Variants in LATS2 observed in about 807,000 individuals in gnomAD.
LATS2 encodes the protein large tumor suppressor kinase 2.
In LATS2, 24 loss-of-function variants were observed where a neutral mutation model predicts 76.0. That is an observed-to-expected ratio of 0.32 (90% CI 0.23 to 0.44). LATS2 has a LOEUF of 0.44. Ranked by LOEUF, LATS2 falls within the 20% of genes least tolerant of loss-of-function variation. LATS2 has a pLI of 1.00. For synonymous variants in LATS2, 692 were observed against 635.4 expected, an observed-to-expected ratio of 1.09 and a Z score of -1.34; for missense variants, 1,286 against 1,481.2, an observed-to-expected ratio of 0.87 and a Z score of 2.16.
chr13:21,042,638 G>T (rs1022389690), intron 2 of LATS2, among the ~76,000 whole-genome samples: 2 of 151,976 alleles, frequency 1.3e-5, no homozygotes, highest in African/African-American at 2.4e-5. Flanking sequence ...AGTGAGCATT[G>T]ACCTCACCAC....
chr13:21,007,700 G>GTGTGTA (rs1418724711), intron 2 of LATS2, among the ~76,000 whole-genome samples: 251 of 1,698 alleles, frequency 0.15, 49 homozygotes, highest in Non-Finnish European at 0.17. Flanking sequence ...TATATATATA[G>GTGTGTA]TATGTATATA....
rs562585297 is a variant in LATS2, at chr13:21,016,013, A to G, written c.343-24609T>C. On this transcript the variant is annotated intron_variant, in intron 2 of 7. Transcript: ENST00000382592. The stretch of plus-strand genomic sequence containing the variant: ...CACGCTTGGCCTATTTTTTTGAGAC[A>G]GACTCTCACTCTGTCACTCAGGCTG... Among the ~76,000 whole-genome samples, 235 of 129,510 alleles carry G rather than the reference A, an allele frequency of 1.8e-3. 1 individual carries two copies. The highest frequency in any genetic ancestry group is 6.2e-3 in the African/African-American group (206 of 33,480). 85.0% of individuals were successfully genotyped at this position (129,510 alleles called of 152,430 possible).
chr13:21,037,395 T>G (rs774651148), intron 2 of LATS2, among the ~76,000 whole-genome samples: 1 of 152,176 alleles, frequency 6.6e-6, no homozygotes, highest in Non-Finnish European at 1.5e-5. Flanking sequence ...ACAGCAAGAC[T>G]CCATCTCAAA....
At chr13:21,052,511 C>T (rs1233509736) in intron 1 of LATS2, among the ~76,000 whole-genome samples, 2 of 152,058 alleles carry the variant, frequency 1.3e-5, no homozygotes, top group Admixed American at 6.6e-5. Flanking sequence ...CCACCACACT[C>T]GGTTAATTTT....
At position 21,046,189 on chromosome 13, in the gene LATS2, C is replaced by A. The variant is rs1049216616; in HGVS notation, c.-163G>T. The A allele has an allele frequency of 1.9e-6, 1 of 537,946 alleles. No individual in the cohort carries two copies. Among genetic ancestry groups the A allele is most frequent in the South Asian group, 3.6e-5 (1 of 27,988 alleles). The allele number at this position is 537,946 out of a possible 1,614,324, so 33.3% of individuals were successfully genotyped here. On this transcript the variant is annotated 5_prime_UTR_variant, in exon 2 of 8. Coordinates refer to ENST00000382592, the MANE Select transcript of LATS2 (RefSeq NM_014572.3). ...CCATTTTTGTAGTTCCTATAGAGAACCTAAAATTTTCCAAAGTCTTCATTT... is the reference window on the plus strand; with the variant it reads ...CCATTTTTGTAGTTCCTATAGAGAAACTAAAATTTTCCAAAGTCTTCATTT...
chr13:21,035,793 C>A, intron 2 of LATS2, among the ~76,000 whole-genome samples: 1 of 152,174 alleles, frequency 6.6e-6, no homozygotes. Flanking sequence ...GGGACCAACA[C>A]CACAGCACGC....
At position 20,989,148 on chromosome 13, in the gene LATS2, T is replaced by C; in HGVS notation, c.632A>G (p.Tyr211Cys). The C allele has an allele frequency of 6.2e-7, 1 of 1,612,094 alleles. No individual in the cohort carries two copies. The highest frequency in any genetic ancestry group is 1.1e-5 in the South Asian group (1 of 91,026). The change falls in exon 4 of 8, where the codon TAC becomes TGC. Residue 211 changes from tyrosine (Y) to cysteine (C), a missense_variant. By Grantham distance (194) the Tyr-to-Cys change is radical. Around this residue, in one of 5 missense-constraint regions of LATS2, gnomAD observed 710 missense variants for 660.9 expected, o/e 1.07. Transcript: ENST00000382592. ...PTALEEMPRP[Y>C]VDYLFPGVGP... ...GACTCCGGGGAAAAGGTAGTCCACG[T>C]ACGGCCGCGGCATCTCCTCCAGCGC...
chr13:21,025,687 TCA>T (rs1445843413), intron 2 of LATS2, among the ~76,000 whole-genome samples: 1 of 152,208 alleles, frequency 6.6e-6, no homozygotes, highest in Middle Eastern at 3.2e-3. Context: ...CTGACACTGC[TCA>T]CAACATTATT....
chr13:20,986,687 G>A (rs755062247), intron 4 of LATS2, among the ~76,000 whole-genome samples: 2 of 152,060 alleles, frequency 1.3e-5, no homozygotes, highest in Non-Finnish European at 2.9e-5. Context: ...TGGATAGAAG[G>A]AACAAACTCT....
intron 5 of LATS2, 77 bp from the exon 6 acceptor site, chr13:20,981,725 G>C: frequency 3.2e-6 from 4 of 1,246,488 alleles, no homozygotes; most frequent in Non-Finnish European, 4.4e-6. Context: ...TAACTCAACA[G>C]ATCCACAGCT....
rs1241606427 is a variant in LATS2 at position 21,049,149 on chromosome 13, G to A, written c.-204-2919C>T. On this transcript the variant is annotated intron_variant, in intron 1 of 7. Transcript: ENST00000382592. ...CTGTGCAATGCAGGCTCTTCCTGGA[G>A]ACATAGGAGGTCAAAGGACTCGGGG... is the stretch of plus-strand genomic sequence containing the variant. Among the ~76,000 whole-genome samples, 3 of 152,180 alleles carry A rather than the reference G, an allele frequency of 2.0e-5. 1 individual carries two copies. The highest frequency in any genetic ancestry group is 4.1e-4 in the South Asian group (2 of 4,824).
At chr13:21,013,400 T>C (rs1871675618) in intron 2 of LATS2, among the ~76,000 whole-genome samples, 1 of 152,178 alleles carries the variant, frequency 6.6e-6, no homozygotes, top group Non-Finnish European at 1.5e-5. Context: ...TTATACCTTA[T>C]AAAAGTAAAA....
intron 2 of LATS2, among the ~76,000 whole-genome samples, chr13:21,017,817 G>A (rs749509866): frequency 6.6e-6 from 1 of 151,936 alleles, no homozygotes; most frequent in Non-Finnish European, 1.5e-5. Flanking sequence ...CTAGAGATGG[G>A]GTTTCACCAT....
At position 20,991,476 on chromosome 13, in the gene LATS2, C is replaced by G; in HGVS notation, c.343-72G>C. 1.9e-6 allele frequency: 3 copies of G among 1,570,226 alleles called. 1 individual carries two copies. The South Asian group carries it at 3.4e-5, about 18-fold the overall frequency. Reference sequence around the variant, plus strand: ...AAGCCACCAAAGACTCCCATCCCCACTCCGTGCTGGACTGTGCTGGGACAC... The same window carrying G: ...AAGCCACCAAAGACTCCCATCCCCAGTCCGTGCTGGACTGTGCTGGGACAC... On this transcript the variant is annotated intron_variant, in intron 2 of 7. Coordinates refer to ENST00000382592, the MANE Select transcript of LATS2 (RefSeq NM_014572.3). This position sits in a 1 kb window ranked among gnomAD's most constrained non-coding sequence, Gnocchi z 4.9.
At position 20,991,432 on chromosome 13, in the gene LATS2, T is replaced by A; in HGVS notation, c.343-28A>T. 1 of 1,613,622 alleles carries A rather than the reference T, an allele frequency of 6.2e-7. No homozygotes were observed. The highest frequency in any genetic ancestry group is 8.5e-7 in the Non-Finnish European group (1 of 1,179,836). On this transcript the variant is annotated intron_variant, in intron 2 of 7. Coordinates refer to ENST00000382592, the MANE Select transcript of LATS2 (RefSeq NM_014572.3). This position sits in a 1 kb window ranked among gnomAD's most constrained non-coding sequence, Gnocchi z 4.9. ...GGGAGGGAAGTAAAGGAGAGGTAAGTGCATGTCATCCTAAAACAAAGCCAC... is the reference window on the plus strand; with the variant it reads ...GGGAGGGAAGTAAAGGAGAGGTAAGAGCATGTCATCCTAAAACAAAGCCAC...
At position 21,009,926 on chromosome 13, in the gene LATS2, G is replaced by A. The variant is rs146731231; in HGVS notation, c.343-18522C>T. Among the ~76,000 whole-genome samples the A allele has an allele frequency of 2.1e-3, 323 of 152,276 alleles. 3 individuals carry two copies. Among genetic ancestry groups the A allele is most frequent in the African/African-American group, 6.9e-3 (285 of 41,552 alleles). On this transcript the variant is annotated intron_variant, in intron 2 of 7. Transcript: ENST00000382592. ...AGGAAATAACACAGAAGGGCCAGGC[G>A]TGGTGGCTCATGCCTGTAATCCCAG...
intron 3 of LATS2, among the ~76,000 whole-genome samples, chr13:20,989,639 G>A (rs1043549546): frequency 4.6e-5 from 7 of 152,170 alleles, no homozygotes; most frequent in African/African-American, 1.7e-4. Flanking sequence ...CTAGGGAGCC[G>A]TCTGCATAGC....
At chr13:21,060,709 G>T (rs1873610651) in intron 1 of LATS2, among the ~76,000 whole-genome samples, 1 of 151,508 alleles carries the variant, frequency 6.6e-6, no homozygotes, top group Non-Finnish European at 1.5e-5. Flanking sequence ...CTCGACTGCG[G>T]CACCGCCGTG....
rs61026020 is a variant in LATS2, at chr13:21,012,359, G to A, written c.343-20955C>T. 2.4e-3 allele frequency among the ~76,000 whole-genome samples: 369 copies of A among 152,286 alleles called. 12 individuals carry two copies. The East Asian group carries it at 0.061, about 25-fold the overall frequency. On this transcript the variant is annotated intron_variant, in intron 2 of 7. Transcript: ENST00000382592. The stretch of plus-strand genomic sequence containing the variant: ...TAAAAGACCAGCAGTGCCCAGTGCT[G>A]TAGGTTTGTTTACACCAACATAAAC...
Sources: gnomAD v4.1 joint callset for allele counts (sites outside exome capture counted in the v4.1 genomes callset) on GRCh38, gnomAD v4.1.1 for gene constraint, gnomAD v4.1.1 regional missense constraint, Gnocchi (gnomAD v3.1) non-coding constraint, MANE v1.5 for transcripts, NCBI Gene and HGNC (gene_info 2026-07-23, HGNC 2026-07-21) for gene names.